Variants in SLAMF6 observed in about 807,000 individuals in gnomAD.
SLAMF6 encodes the protein NK-T-B-antigen.
A neutral mutation model predicts 38.3 loss-of-function variants in SLAMF6; 21 were observed. The ratio of observed to expected loss-of-function variants is 0.55; its 90% confidence interval spans 0.39 to 0.79. The LOEUF is 0.79. Among genes scored for constraint, SLAMF6 ranks in the 30% least tolerant of loss-of-function variants. SLAMF6 has a pLI of 0.00. For missense variants in SLAMF6, 341 were observed against 385.3 expected (o/e 0.89, Z 0.96); for synonymous variants, 152 against 146.3 (o/e 1.04, Z -0.28).
Position 160,486,648 on chromosome 1 carries a change from C to G in SLAMF6, c.*59G>C. 6.6e-7 allele frequency: 1 copy of G among 1,518,402 alleles called. No homozygotes were observed. Among genetic ancestry groups the G allele is most frequent in the Non-Finnish European group, 9.1e-7 (1 of 1,094,288 alleles). The allele number at this position is 1,518,402 out of a possible 1,614,324, so 94.1% of individuals were successfully genotyped here. On this transcript the variant is annotated 3_prime_UTR_variant, in exon 8 of 8. Transcript: ENST00000368057. ...GGAACCAAGCTTCCTGTTCTTTGTT[C>G]TGTCTCATGGGATCAGAAGACGTGT...
intron 5 of SLAMF6, among the ~76,000 whole-genome samples, chr1:160,489,933 G>A (rs1653189960): frequency 6.6e-6 from 1 of 152,162 alleles, no homozygotes; most frequent in East Asian, 1.9e-4. Flanking sequence ...CCCTTTCACT[G>A]GGACTTAGTT....
At chr1:160,487,057 G>C in intron 7 of SLAMF6, 47 bp downstream of exon 7, 2 of 1,471,612 alleles carry the variant, frequency 1.4e-6, no homozygotes, top group South Asian at 2.3e-5. Flanking sequence ...TCATAGGTCT[G>C]TGGAGAGAGG....
In SLAMF6 at chr1:160,495,939, C is replaced by T. The variant is rs1196166072; in HGVS notation, c.382+122G>A. ...CAGTGTCATTGTGTTGACACTGACT[C>T]AATGACTCCAAATGCCATATTCTTT... On this transcript the variant is annotated intron_variant, in intron 2 of 7. Coordinates refer to ENST00000368057, the MANE Select transcript of SLAMF6 (RefSeq NM_001184714.2). The T allele has an allele frequency of 3.5e-6, 3 of 864,390 alleles. No individual in the cohort carries two copies. In the East Asian group the frequency reaches 7.5e-5, roughly 22 times the overall value. The allele number at this position is 864,390 out of a possible 1,614,324, so 53.5% of individuals were successfully genotyped here.
chr1:160,513,482 G>A (rs1341866460), intron 1 of SLAMF6, among the ~76,000 whole-genome samples: 1 of 152,078 alleles, frequency 6.6e-6, no homozygotes, highest in Non-Finnish European at 1.5e-5. Context: ...AGCAAGACAG[G>A]CCAACATTCA....
chr1:160,490,575 C>T lies in SLAMF6; in HGVS notation c.757G>A (p.Asp253Asn). Residue 253 changes from aspartate (D) to asparagine (N), a missense_variant and splice_region_variant, in exon 4 of 8, where the codon GAT (aspartate) becomes AAT (asparagine). Coordinates refer to ENST00000368057, the MANE Select transcript of SLAMF6 (RefSeq NM_001184714.2). ...LLLLVLRKRR[D>N]SLSLSTQRTQ... ...ACAAGTAGGAAGAAAGGAAACCTGC[C>T]TCTTCTTTTCCTCAAAACAAGTAAC... 1 of 1,612,288 alleles carries T rather than the reference C, an allele frequency of 6.2e-7. No homozygotes were observed. Among genetic ancestry groups the T allele is most frequent in the Non-Finnish European group, 8.5e-7 (1 of 1,179,532 alleles).
intron 6 of SLAMF6, among the ~76,000 whole-genome samples, chr1:160,487,988 G>A (rs1231122500): frequency 1.3e-5 from 2 of 151,472 alleles, no homozygotes; most frequent in Admixed American, 6.6e-5. Context: ...TACTTGGGAG[G>A]CCAAGGTAAA....
intron 6 of SLAMF6, among the ~76,000 whole-genome samples, chr1:160,487,596 C>T (rs758101983): frequency 2.0e-5 from 3 of 152,188 alleles, no homozygotes; most frequent in Non-Finnish European, 2.9e-5. Flanking sequence ...CCATCTTTTG[C>T]TATAATTCTA....
At chr1:160,505,854 T>C (rs2102047298) in intron 1 of SLAMF6, among the ~76,000 whole-genome samples, 1 of 151,798 alleles carries the variant, frequency 6.6e-6, no homozygotes, top group East Asian at 1.9e-4. Context: ...GCTGAAAAAA[T>C]ACAATAATTG....
chr1:160,503,988 A>G (rs1290122447), intron 1 of SLAMF6, among the ~76,000 whole-genome samples: 10 of 134,920 alleles, frequency 7.4e-5, no homozygotes, highest in African/African-American at 2.5e-4. Flanking sequence ...ATTGCACTCC[A>G]GCCTGGGTGA....
intron 1 of SLAMF6, among the ~76,000 whole-genome samples, chr1:160,508,295 T>G (rs1247918290): frequency 6.6e-6 from 1 of 152,190 alleles, no homozygotes; most frequent in Non-Finnish European, 1.5e-5. Context: ...AGCATGGTAC[T>G]GGTACCAAAA....
intron 1 of SLAMF6, among the ~76,000 whole-genome samples, chr1:160,521,093 A>G (rs1450349834): frequency 6.6e-6 from 1 of 152,064 alleles, no homozygotes; most frequent in Non-Finnish European, 1.5e-5. Context: ...TTTTCTAATT[A>G]TGTACACATT....
intron 1 of SLAMF6, among the ~76,000 whole-genome samples, chr1:160,500,709 A>G (rs1052128550): frequency 6.6e-5 from 10 of 152,124 alleles, no homozygotes; most frequent in African/African-American, 2.2e-4. Flanking sequence ...TACTATTGTG[A>G]ACATTCTTGA....
intron 1 of SLAMF6, among the ~76,000 whole-genome samples, chr1:160,500,028 C>G (rs1017563168): frequency 1.3e-5 from 2 of 152,170 alleles, no homozygotes; most frequent in Admixed American, 6.5e-5. Context: ...ACAGACAAAT[C>G]TATGCTGTCA....
chr1:160,519,788 G>T (rs141120778), intron 1 of SLAMF6, among the ~76,000 whole-genome samples: 4 of 151,468 alleles, frequency 2.6e-5, no homozygotes, highest in Non-Finnish European at 5.9e-5. Flanking sequence ...GCCAGGGGCT[G>T]GGGGGGAGGG....
chr1:160,503,705 G>A (rs774522350), intron 1 of SLAMF6, among the ~76,000 whole-genome samples: 16 of 152,030 alleles, frequency 1.1e-4, no homozygotes, highest in Non-Finnish European at 1.5e-4. Context: ...ACACTCATGC[G>A]AACACACACA....
intron 1 of SLAMF6, among the ~76,000 whole-genome samples, chr1:160,503,373 G>T (rs6660233): frequency 0.46 from 69,338 of 151,700 alleles, 17,785 homozygotes; most frequent in East Asian, 0.58. Flanking sequence ...ATCCAGTTTT[G>T]CATTGGCTGG....
Position 160,487,140 on chromosome 1 carries a change from A to G in SLAMF6, c.915T>C (p.Thr305=), listed in dbSNP as rs75007822. 1,948 of 1,613,414 alleles carry G rather than the reference A, an allele frequency of 1.2e-3. 29 individuals carry two copies. The African/African-American group carries it at 0.023, about 19-fold the overall frequency. Reference sequence around the variant, plus strand: ...GATTAATTGTGGAGTAAATTGTGATAGTATCATTTTCTCTAGGTGTCCAGA... The same window carrying G: ...GATTAATTGTGGAGTAAATTGTGATGGTATCATTTTCTCTAGGTGTCCAGA... ...TEIWTPREND[T]ITIYSTINHS... is the part of the protein sequence containing the mutation. Residue 305 remains threonine, a synonymous_variant, in exon 7 of 8, where the codon ACT becomes ACC. Transcript: ENST00000368057.
chr1:160,490,695 GAAA>G lies in SLAMF6; in HGVS notation c.647-13_647-11del. On this transcript the variant is annotated splice_polypyrimidine_tract_variant and intron_variant, in intron 3 of 7. Coordinates refer to ENST00000368057, the MANE Select transcript of SLAMF6 (RefSeq NM_001184714.2). ...TATTGAATTTTAACATCTGAAAAGAGAAAAAAGAAATGACATTTGAGACACATC... is the reference window on the plus strand; with the variant it reads ...TATTGAATTTTAACATCTGAAAAGAGAAAGAAATGACATTTGAGACACATC... The G allele has an allele frequency of 6.2e-7, 1 of 1,609,520 alleles. No homozygotes were observed. Among genetic ancestry groups the G allele is most frequent in the Non-Finnish European group, 8.5e-7 (1 of 1,178,702 alleles).
chr1:160,502,206 C>T (rs1013299727), intron 1 of SLAMF6, among the ~76,000 whole-genome samples: 1 of 152,178 alleles, frequency 6.6e-6, no homozygotes, highest in Non-Finnish European at 1.5e-5. Flanking sequence ...ATCTAAATGG[C>T]TCTGCTGGCA....
Sources: allele counts gnomAD v4.1 joint callset (sites outside exome capture counted in the v4.1 genomes callset), GRCh38; gene constraint gnomAD v4.1.1; transcripts MANE v1.5; gene names NCBI Gene and HGNC (gene_info 2026-07-23, HGNC 2026-07-21).